The following CMIP variants were observed in gnomAD, a reference collection of about 807,000 sequenced individuals.
CMIP encodes the protein C-Maf-inducing protein.
Under a neutral mutation model 97.3 loss-of-function variants are expected in CMIP, and 13 were observed. The observed-to-expected ratio is 0.13, with a 90% CI of 0.09 to 0.21. CMIP has a LOEUF of 0.21. CMIP is among the 10% of genes least tolerant of loss of function. The probability of loss-of-function intolerance (pLI) is 1.00; values close to 1 mark genes in which losing one functional copy is unlikely to be tolerated. For synonymous variants in CMIP, 538 were observed against 436.3 expected, an observed-to-expected ratio of 1.23 and a Z score of -2.91; for missense variants, 847 against 1,024.9, an observed-to-expected ratio of 0.83 and a Z score of 2.37.
At chr16:81,538,277 G>A (rs2090384330) in intron 1 of CMIP, among the ~76,000 whole-genome samples, 1 of 152,196 alleles carries the variant, frequency 6.6e-6, no homozygotes, top group Non-Finnish European at 1.5e-5. Flanking sequence ...AACTCATAAA[G>A]TAGAGACACT....
At chr16:81,568,955 G>C (rs910879608) in intron 1 of CMIP, among the ~76,000 whole-genome samples, 3 of 152,198 alleles carry the variant, frequency 2.0e-5, no homozygotes, top group African/African-American at 4.8e-5. Flanking sequence ...AAGAACAAAA[G>C]AGAAATACAG....
chr16:81,513,106 G>C (rs943186405), intron 1 of CMIP, among the ~76,000 whole-genome samples: 8 of 152,204 alleles, frequency 5.3e-5, no homozygotes, highest in Non-Finnish European at 1.0e-4. Context: ...TTTTTGGCTG[G>C]TGGGAGCTTT....
intron 1 of CMIP, among the ~76,000 whole-genome samples, chr16:81,522,268 C>T (rs543708854): frequency 1.3e-5 from 2 of 152,264 alleles, no homozygotes; most frequent in East Asian, 3.9e-4. Flanking sequence ...GCCCTGTCAT[C>T]AGAGCCCTAA....
intron 1 of CMIP, among the ~76,000 whole-genome samples, chr16:81,489,732 A>G (rs2089376078): frequency 6.6e-6 from 1 of 152,068 alleles, no homozygotes; most frequent in Non-Finnish European, 1.5e-5. Flanking sequence ...GGAGGGGGAG[A>G]GAGCTGATGT....
At chr16:81,560,365 C>T (rs1010189124) in intron 1 of CMIP, among the ~76,000 whole-genome samples, 6 of 151,708 alleles carry the variant, frequency 4.0e-5, no homozygotes, top group Non-Finnish European at 7.4e-5. Context: ...ACTACAGGCT[C>T]CCGCCACTAT....
At chr16:81,490,545 G>A (rs1369364057) in intron 1 of CMIP, among the ~76,000 whole-genome samples, 8 of 152,168 alleles carry the variant, frequency 5.3e-5, no homozygotes, top group African/African-American at 1.7e-4. Context: ...GCTTGAACCC[G>A]AGAGGTGGAG....
At position 81,616,019 on chromosome 16, in the gene CMIP, C is replaced by G. The variant is rs1254109579; in HGVS notation, c.427-4857C>G. Among the ~76,000 whole-genome samples, 1 of 152,076 alleles carries G rather than the reference C, an allele frequency of 6.6e-6. No individual in the cohort carries two copies. Among genetic ancestry groups the G allele is most frequent in the African/African-American group, 2.4e-5 (1 of 41,406 alleles). ...TCTCGTCGCACTGGGGCAGAAGGAGCCGGGCGCGGTGGGTGGGAGATCTTG... is the reference window on the plus strand; with the variant it reads ...TCTCGTCGCACTGGGGCAGAAGGAGGCGGGCGCGGTGGGTGGGAGATCTTG... On this transcript the variant is annotated intron_variant, in intron 2 of 20. Coordinates refer to ENST00000537098, the MANE Select transcript of CMIP (RefSeq NM_198390.3). This position sits in a 1 kb window ranked among gnomAD's most constrained non-coding sequence, Gnocchi z 4.7.
At chr16:81,638,282 T>C (rs754488557) in intron 3 of CMIP, among the ~76,000 whole-genome samples, 1 of 152,040 alleles carries the variant, frequency 6.6e-6, no homozygotes, top group Non-Finnish European at 1.5e-5. Flanking sequence ...ATGGCAGGGG[T>C]TGATGTGGAC....
intron 5 of CMIP, among the ~76,000 whole-genome samples, chr16:81,658,734 G>A (rs141748894): frequency 5.6e-4 from 86 of 152,376 alleles, no homozygotes; most frequent in Non-Finnish European, 9.3e-4. Context: ...GCGGATGGGA[G>A]ATGAAATAGA....
intron 3 of CMIP, among the ~76,000 whole-genome samples, chr16:81,646,457 G>A (rs2092365832): frequency 6.6e-6 from 1 of 152,150 alleles, no homozygotes; most frequent in South Asian, 2.1e-4. Context: ...ACCTCCCTAG[G>A]ATAGCATTTT....
chr16:81,505,602 A>G (rs1378114288), intron 1 of CMIP, among the ~76,000 whole-genome samples: 1 of 152,230 alleles, frequency 6.6e-6, no homozygotes, highest in Non-Finnish European at 1.5e-5. Flanking sequence ...GAGTAGTGTC[A>G]GGGAGCTCTG....
rs1164290006 is a variant in CMIP, at chr16:81,452,207, A to G, written c.300+6666A>G. On this transcript the variant is annotated intron_variant, in intron 1 of 20. Coordinates refer to ENST00000537098, the MANE Select transcript of CMIP (RefSeq NM_198390.3). ...GCAGACCCAGTGGAGTAGGGGAGTGAGGACCTGGACTTTGAAATCAGACAG... is the reference window on the plus strand; with the variant it reads ...GCAGACCCAGTGGAGTAGGGGAGTGGGGACCTGGACTTTGAAATCAGACAG... 2.6e-5 allele frequency among the ~76,000 whole-genome samples: 4 copies of G among 152,296 alleles called. No individual in the cohort carries two copies. In the South Asian group the frequency reaches 8.3e-4, roughly 32 times the overall value.
chr16:81,540,014 C>T (rs966323088), intron 1 of CMIP, among the ~76,000 whole-genome samples: 5 of 152,194 alleles, frequency 3.3e-5, no homozygotes, highest in African/African-American at 1.2e-4. Flanking sequence ...CAGAAACAAA[C>T]GATGGCAGTG....
chr16:81,673,478 T>C (rs966216230), intron 9 of CMIP, among the ~76,000 whole-genome samples: 1 of 152,096 alleles, frequency 6.6e-6, no homozygotes, highest in Non-Finnish European at 1.5e-5. Context: ...ATCACACCAC[T>C]GCACTCCAGC....
chr16:81,591,026 G>A (rs953538351), intron 1 of CMIP, among the ~76,000 whole-genome samples: 2 of 152,250 alleles, frequency 1.3e-5, no homozygotes, highest in African/African-American at 2.4e-5. Flanking sequence ...GTGAGACAGG[G>A]CATATGGCCC....
chr16:81,675,550 C>T (rs1482819666), intron 9 of CMIP, among the ~76,000 whole-genome samples: 2 of 152,042 alleles, frequency 1.3e-5, no homozygotes, highest in Non-Finnish European at 2.9e-5. Flanking sequence ...GTCCTTGAAC[C>T]ACTACTTCAG....
intron 1 of CMIP, among the ~76,000 whole-genome samples, chr16:81,461,083 C>T (rs1328719428): frequency 6.6e-6 from 1 of 152,236 alleles, no homozygotes; most frequent in Non-Finnish European, 1.5e-5. Flanking sequence ...TGTTTTACAA[C>T]TAAGGCCAAG....
At chr16:81,643,726 AG>A (rs2092332534) in intron 3 of CMIP, among the ~76,000 whole-genome samples, 1 of 152,212 alleles carries the variant, frequency 6.6e-6, no homozygotes, top group Admixed American at 6.5e-5. Context: ...CAGAAGGCAA[AG>A]GTTGCAGTGA....
At chr16:81,640,175 C>G (rs962669697) in intron 3 of CMIP, among the ~76,000 whole-genome samples, 6 of 152,002 alleles carry the variant, frequency 3.9e-5, no homozygotes, top group Non-Finnish European at 2.9e-5. Context: ...CCGTTTCTGA[C>G]GCAGGGCAGG....
Sources: allele counts gnomAD v4.1 joint callset (sites outside exome capture counted in the v4.1 genomes callset), GRCh38; gene constraint gnomAD v4.1.1; non-coding constraint Gnocchi (gnomAD v3.1); transcripts MANE v1.5; gene names NCBI Gene and HGNC (gene_info 2026-07-23, HGNC 2026-07-21).